NSUN6: variants seen among roughly 807,000 people sequenced by gnomAD.
NSUN6 encodes tRNA (cytosine(72)-C(5))-methyltransferase NSUN6.
Under a neutral mutation model 58.0 loss-of-function variants are expected in NSUN6, and 64 were observed. The ratio of observed to expected loss-of-function variants is 1.10; its 90% CI spans 0.90 to 1.36. The LOEUF (loss-of-function observed/expected upper bound fraction) is 1.36. NSUN6 is among the 40% of genes most tolerant of loss of function. The pLI is 0.00. For synonymous variants in NSUN6, 231 were observed against 193.9 expected, an observed-to-expected ratio of 1.19 and a Z score of -1.59; for missense variants, 701 against 550.1, an observed-to-expected ratio of 1.27 and a Z score of -2.74.
At chr10:18,556,388 G>A (rs111208093) in intron 8 of NSUN6, among the ~76,000 whole-genome samples, 1 of 150,514 alleles carries the variant, frequency 6.6e-6, no homozygotes, top group African/African-American at 2.4e-5. Flanking sequence ...ATGGAATGAA[G>A]AATGGAAGAA....
chr10:18,625,607 G>T (rs534542746), intron 3 of NSUN6, among the ~76,000 whole-genome samples: 1 of 151,382 alleles, frequency 6.6e-6, no homozygotes, highest in Non-Finnish European at 1.5e-5. Flanking sequence ...CAGCTACTCC[G>T]GAGGGTGAGG....
At chr10:18,593,814 T>C (rs1462235184) in intron 7 of NSUN6, among the ~76,000 whole-genome samples, 1 of 151,178 alleles carries the variant, frequency 6.6e-6, no homozygotes, top group Non-Finnish European at 1.5e-5. Context: ...TCATGGCACA[T>C]GTATACCTAT....
At chr10:18,633,320 G>A (rs1277852157) in intron 3 of NSUN6, among the ~76,000 whole-genome samples, 3 of 151,114 alleles carry the variant, frequency 2.0e-5, no homozygotes, top group South Asian at 4.2e-4. Flanking sequence ...GCTAGATGAT[G>A]AGTTGGTGGG....
chr10:18,639,458 C>T (rs2059327649), intron 3 of NSUN6, among the ~76,000 whole-genome samples: 1 of 152,110 alleles, frequency 6.6e-6, no homozygotes, highest in Non-Finnish European at 1.5e-5. Context: ...CACATCACTG[C>T]ACTCCAGCCG....
At chr10:18,609,287 G>A (rs1436291063) in intron 6 of NSUN6, among the ~76,000 whole-genome samples, 3 of 152,054 alleles carry the variant, frequency 2.0e-5, no homozygotes, top group Non-Finnish European at 2.9e-5. Context: ...CTCCAGCCTA[G>A]ACAACAGAGT....
rs148307881 is a variant in NSUN6, at chr10:18,636,383, G to A, written c.311+6093C>T. On this transcript the variant is annotated intron_variant, in intron 3 of 10. Coordinates refer to ENST00000377304, the MANE Select transcript of NSUN6 (RefSeq NM_182543.5). ...TAAAAAAAAAAAAAAAAAACTGGCC[G>A]GCCATGGTGGCTGGCACTTATAATC... 7.1e-3 allele frequency among the ~76,000 whole-genome samples: 1,068 copies of A among 149,846 alleles called. 20 individuals are homozygous for A. Among genetic ancestry groups the A allele is most frequent in the African/African-American group, 0.024 (963 of 40,794 alleles).
intron 8 of NSUN6, among the ~76,000 whole-genome samples, chr10:18,564,971 T>A (rs1210185023): frequency 6.6e-6 from 1 of 150,388 alleles, no homozygotes; most frequent in Non-Finnish European, 1.5e-5. Context: ...TTCCATTCCA[T>A]TCTCCATTCC....
At chr10:18,575,893 C>G (rs969579824) in intron 8 of NSUN6, among the ~76,000 whole-genome samples, 2 of 152,158 alleles carry the variant, frequency 1.3e-5, no homozygotes, top group South Asian at 4.1e-4. Flanking sequence ...TCTATTAGTA[C>G]AGGCGCTGTC....
chr10:18,607,667 A>G (rs1379756442), intron 6 of NSUN6, among the ~76,000 whole-genome samples: 2 of 152,228 alleles, frequency 1.3e-5, no homozygotes, highest in Non-Finnish European at 2.9e-5. Context: ...CAAGAACTGC[A>G]TTTTCAAAAG....
intron 8 of NSUN6, among the ~76,000 whole-genome samples, chr10:18,571,444 A>C: frequency 7.7e-6 from 1 of 129,518 alleles, no homozygotes; most frequent in African/African-American, 3.0e-5. Context: ...TCCATTCCAA[A>C]CCATTCTCTA....
At chr10:18,640,403 T>G (rs117041572) in intron 3 of NSUN6, among the ~76,000 whole-genome samples, 2 of 152,194 alleles carry the variant, frequency 1.3e-5, no homozygotes, top group Non-Finnish European at 2.9e-5. Context: ...ACTCTATCTT[T>G]AGGGAAACTA....
intron 5 of NSUN6, among the ~76,000 whole-genome samples, chr10:18,610,869 G>A (rs17622004): frequency 0.048 from 7,379 of 152,156 alleles, 278 homozygotes; most frequent in Non-Finnish European, 0.077. Flanking sequence ...GGATTAGGAC[G>A]GCACAGAAAA....
At position 18,579,727 on chromosome 10, in the gene NSUN6, G is replaced by A. The variant is rs1157628174; in HGVS notation, c.922+6222C>T. Reference sequence around the variant, plus strand: ...ACACTGGTTCTCCGGTAAGGTGGAAGTGGGGCTTCCAGGTTAGGAGTAGCT... The same window carrying A: ...ACACTGGTTCTCCGGTAAGGTGGAAATGGGGCTTCCAGGTTAGGAGTAGCT... On this transcript the variant is annotated intron_variant, in intron 8 of 10. Coordinates refer to ENST00000377304, the MANE Select transcript of NSUN6 (RefSeq NM_182543.5). 3.3e-5 allele frequency among the ~76,000 whole-genome samples: 5 copies of A among 152,306 alleles called. No homozygotes were observed. The South Asian group carries it at 1.0e-3, about 32-fold the overall frequency.
chr10:18,546,937 GAAGAAA>G (rs929993571), intron 10 of NSUN6, among the ~76,000 whole-genome samples: 4 of 150,946 alleles, frequency 2.6e-5, no homozygotes, highest in East Asian at 1.9e-4. Flanking sequence ...GGGAGGGGAA[GAAGAAA>G]AAGAAAAAGA....
At chr10:18,639,100 C>T (rs752511080) in intron 3 of NSUN6, among the ~76,000 whole-genome samples, 1 of 151,782 alleles carries the variant, frequency 6.6e-6, no homozygotes, top group Non-Finnish European at 1.5e-5. Context: ...AACAAACAAA[C>T]AAACAAAAAA....
At chr10:18,585,350 G>T (rs988490724) in intron 8 of NSUN6, among the ~76,000 whole-genome samples, 3 of 152,112 alleles carry the variant, frequency 2.0e-5, no homozygotes, top group African/African-American at 4.8e-5. Context: ...AGGTCAAAGA[G>T]ATATCTGCAC....
intron 2 of NSUN6, among the ~76,000 whole-genome samples, chr10:18,644,871 G>A (rs1457314976): frequency 2.1e-5 from 3 of 142,002 alleles, no homozygotes; most frequent in African/African-American, 5.2e-5. Context: ...AACTGAAAAC[G>A]TGTAGGTCAG....
At chr10:18,588,557 T>A (rs1317788783) in intron 7 of NSUN6, among the ~76,000 whole-genome samples, 1 of 152,166 alleles carries the variant, frequency 6.6e-6, no homozygotes, top group Non-Finnish European at 1.5e-5. Flanking sequence ...CAGTGCCCTT[T>A]CAGATGAAGC....
At chr10:18,647,304 A>T (rs2059573258) in intron 2 of NSUN6, among the ~76,000 whole-genome samples, 1 of 152,180 alleles carries the variant, frequency 6.6e-6, no homozygotes, top group African/African-American at 2.4e-5. Context: ...CTCGCTTTTA[A>T]CTCAGACACA....
Sources: gnomAD v4.1 joint callset for allele counts (sites outside exome capture counted in the v4.1 genomes callset) on GRCh38, gnomAD v4.1.1 for gene constraint, MANE v1.5 for transcripts, NCBI Gene and HGNC (gene_info 2026-07-23, HGNC 2026-07-21) for gene names.